Variants in MYH2 observed in about 807,000 individuals in gnomAD.
The protein encoded by MYH2 is myosin heavy chain 2.
MYH2 carries 139 observed loss-of-function variants against 228.1 expected under a neutral mutation model. That is an observed-to-expected ratio of 0.61 (90% CI 0.53 to 0.70). MYH2 has a LOEUF of 0.70. MYH2 is among the 30% of genes least tolerant of loss of function. The pLI, the probability that MYH2 is intolerant of heterozygous loss-of-function variation, is 0.00. For missense variants in MYH2, 1,809 were observed against 2,357.5 expected, an observed-to-expected ratio of 0.77 and a Z score of 4.82; for synonymous variants, 796 against 871.1, an observed-to-expected ratio of 0.91 and a Z score of 1.52.
chr17:10,546,917 T>TA (rs35076797), intron 4 of MYH2, among the ~76,000 whole-genome samples: 7,966 of 132,354 alleles, frequency 0.06, 237 homozygotes, highest in South Asian at 0.15. Context: ...CTGTCTCTGC[T>TA]AAAAAAAATA....
At chr17:10,548,249 T>C (rs868730374) in intron 2 of MYH2, among the ~76,000 whole-genome samples, 3 of 152,316 alleles carry the variant, frequency 2.0e-5, no homozygotes, top group African/African-American at 7.2e-5. Flanking sequence ...CTTGGGTATG[T>C]CACTTGATGT....
In MYH2 at chr17:10,539,983, G is replaced by A; in HGVS notation, c.1092C>T (p.Asn364=). 3 of 1,613,926 alleles carry A rather than the reference G, an allele frequency of 1.9e-6. No homozygotes were observed. The highest frequency in any genetic ancestry group is 2.5e-6 in the Non-Finnish European group (3 of 1,179,968). The change falls in exon 12 of 40, where the codon AAC becomes AAT. Residue 364 remains asparagine (N), a synonymous_variant. Transcript: ENST00000245503. ...CACGCTGCTTTTGCTTAAATTTTAGGTTCCCATAATGCATCACAGCCCCCG... is the reference window on the plus strand; with the variant it reads ...CACGCTGCTTTTGCTTAAATTTTAGATTCCCATAATGCATCACAGCCCCCG... ...KLTGAVMHYG[N]LKFKQKQREE...
intron 39 of MYH2, 23 bp from the exon 40 acceptor site, chr17:10,521,455 A>C: frequency 6.2e-7 from 1 of 1,612,898 alleles, no homozygotes. Flanking sequence ...ATGGAATTGT[A>C]AGGAACTCAT....
chr17:10,538,165 G>A (rs1347129900), intron 14 of MYH2, among the ~76,000 whole-genome samples: 1 of 151,986 alleles, frequency 6.6e-6, no homozygotes, highest in Non-Finnish European at 1.5e-5. Flanking sequence ...TTTCCAGAAG[G>A]TTTACAGTTT....
chr17:10,545,421 G>A lies in MYH2; in HGVS notation c.430C>T (p.Arg144Ter), dbSNP rs762784420. The A allele has an allele frequency of 1.9e-6, 3 of 1,614,114 alleles. No individual in the cohort carries two copies. Among genetic ancestry groups the A allele is most frequent in the Non-Finnish European group, 2.5e-6 (3 of 1,180,018 alleles). The change falls in exon 5 of 40, where the codon CGA (arginine) becomes TGA (stop). Residue 144 changes from arginine (R) to a stop codon, truncating the protein, a stop_gained. Transcript: ENST00000245503. LOFTEE classifies it high-confidence loss of function. ...VYKPEVVTAYRGKKRQEAPPH... is the reference protein window; with the variant it reads ...VYKPEVVTAY ...GGGGCCTCCTGGCGCTTTTTGCCTC[G>A]GTAGGCTGTCACCACCTCGGGCTTA...
At chr17:10,534,707 A>G (rs917888908) in intron 19 of MYH2, among the ~76,000 whole-genome samples, 3 of 152,236 alleles carry the variant, frequency 2.0e-5, no homozygotes, top group Non-Finnish European at 4.4e-5. Flanking sequence ...ACCTGAGGTC[A>G]GGAGTTTGAG....
At chr17:10,546,055 T>G (rs2073624830) in intron 4 of MYH2, among the ~76,000 whole-genome samples, 1 of 151,820 alleles carries the variant, frequency 6.6e-6, no homozygotes, top group Non-Finnish European at 1.5e-5. Flanking sequence ...TTTGCAGCAT[T>G]AAGATAATTC....
chr17:10,523,201 A>C lies in MYH2; in HGVS notation c.5578-16T>G. ...CTTCTTCCGTCTGAAAGATTATAAA[A>C]AGTCCAGGACCTTAATTACTAAAGC... On this transcript the variant is annotated splice_polypyrimidine_tract_variant and intron_variant, in intron 38 of 39. Transcript: ENST00000245503. 1.2e-6 allele frequency: 2 copies of C among 1,610,656 alleles called. No homozygotes were observed. Among genetic ancestry groups the C allele is most frequent in the Non-Finnish European group, 1.7e-6 (2 of 1,176,858 alleles).
chr17:10,529,635 G>C lies in MYH2; in HGVS notation c.3046C>G (p.Leu1016Val), dbSNP rs771807032. ...TTGACTTTGTCCTCCTCTGCCTGCA[G>C]GTCATCCAGGGTCTGCTGGTGGGCC... ...QEAHQQTLDD[L>V]QAEEDKVNTL... Residue 1016 changes from leucine (L) to valine (V), a missense_variant, in exon 24 of 40, where the codon CTG becomes GTG. Leu to Val is a conservative substitution (Grantham distance 32, BLOSUM62 1). Coordinates refer to ENST00000245503, the MANE Select transcript of MYH2 (RefSeq NM_017534.6). The C allele has an allele frequency of 6.2e-6, 10 of 1,614,058 alleles. 1 individual carries two copies. The Middle Eastern group carries it at 1.2e-3, about 186-fold the overall frequency.
chr17:10,528,584 T>A, intron 27 of MYH2, 106 bp downstream of exon 27: 1 of 1,531,394 alleles, frequency 6.5e-7, no homozygotes. Flanking sequence ...CTTCCCTGAA[T>A]TACTGCAGTT....
Position 10,527,027 on chromosome 17 carries a change from C to T in MYH2, c.3901G>A (p.Glu1301Lys). The change falls in exon 29 of 40, where the codon GAA becomes AAA. Residue 1301 changes from glutamate to lysine, a missense_variant. This residue lies in a region of MYH2 where 636 missense variants were observed against 729.9 expected (regional missense o/e 0.87). Coordinates refer to ENST00000245503, the MANE Select transcript of MYH2 (RefSeq NM_017534.6). Reference protein sequence around the residue: ...GEFSRQLDEKEALVSQLSRGK... With the variant: ...GEFSRQLDEKKALVSQLSRGK... ...CTTGATAACTGAGACACCAGAGCTT[C>T]CTTTTCATCAAGCTGGCGTGAAAAC... The T allele has an allele frequency of 6.2e-7, 1 of 1,614,134 alleles. No homozygotes were observed. The highest frequency in any genetic ancestry group is 8.5e-7 in the Non-Finnish European group (1 of 1,180,036).
intron 22 of MYH2, among the ~76,000 whole-genome samples, chr17:10,530,986 T>C (rs1402880882): frequency 1.3e-5 from 2 of 152,184 alleles, no homozygotes; most frequent in East Asian, 3.8e-4. Context: ...AGTCTGAAGT[T>C]GATGGAAGCA....
chr17:10,531,608 T>C lies in MYH2; in HGVS notation c.2697+25A>G, dbSNP rs3744565. ...CTAGCACCTGCATCCTGGTTAGTGATACCAAGGGTGATATTCCAACTCACA... is the reference window on the plus strand; with the variant it reads ...CTAGCACCTGCATCCTGGTTAGTGACACCAAGGGTGATATTCCAACTCACA... On this transcript the variant is annotated intron_variant, in intron 22 of 39. Transcript: ENST00000245503. 0.43 allele frequency: 691,381 copies of C among 1,613,758 alleles called. 155,812 individuals carry two copies. Among genetic ancestry groups the C allele is most frequent in the East Asian group, 0.83 (37,278 of 44,860 alleles).
rs778595531 is a variant in MYH2 at position 10,540,069 on chromosome 17, G to C, written c.1009-3C>G. ...AAGCCCAAAATATCAATAGCACTCTGTCAATATAACCAATAGGATAGCTGT... is the reference window on the plus strand; with the variant it reads ...AAGCCCAAAATATCAATAGCACTCTCTCAATATAACCAATAGGATAGCTGT... On this transcript the variant is annotated splice_region_variant and splice_polypyrimidine_tract_variant and intron_variant, in intron 11 of 39. Coordinates refer to ENST00000245503, the MANE Select transcript of MYH2 (RefSeq NM_017534.6). 2 of 1,613,954 alleles carry C rather than the reference G, an allele frequency of 1.2e-6. No homozygotes were observed. The highest frequency in any genetic ancestry group is 1.3e-5 in the African/African-American group (1 of 74,982).
intron 27 of MYH2, 71 bp from the exon 28 acceptor site, chr17:10,527,945 G>A: frequency 1.3e-6 from 2 of 1,540,866 alleles, no homozygotes; most frequent in Non-Finnish European, 8.9e-7. Flanking sequence ...TGCAGTTACT[G>A]TAACTTCTCC....
chr17:10,538,656 A>AC (rs1191529329), intron 14 of MYH2, among the ~76,000 whole-genome samples: 75 of 152,058 alleles, frequency 4.9e-4, no homozygotes, highest in Middle Eastern at 3.4e-3. Flanking sequence ...AAAAAAAAAA[A>AC]AAAATCACCA....
intron 21 of MYH2, among the ~76,000 whole-genome samples, 162 bp downstream of exon 21, chr17:10,533,123 G>T (rs942997757): frequency 1.3e-5 from 2 of 152,066 alleles, no homozygotes; most frequent in African/African-American, 4.8e-5. Context: ...AGATGGTGAT[G>T]GTTCCTTCCT....
rs763913836 is a variant in MYH2, at chr17:10,525,477, AG to A, written c.4510del (p.Leu1504Ter). On this transcript the variant is annotated frameshift_variant, in exon 32 of 40. Transcript: ENST00000245503. LOFTEE classifies it high-confidence loss of function. This position sits in a 1 kb window ranked among gnomAD's most constrained non-coding sequence, Gnocchi z 4.2. ...YEESLDQLET[L>X]KRENKNLQQE... ...CTGTAAGTTTTTGTTCTCTCGCTTCAGGGTTTCTAGCTGATCCAAAGATTCC... is the reference window on the plus strand; with the variant it reads ...CTGTAAGTTTTTGTTCTCTCGCTTCAGGTTTCTAGCTGATCCAAAGATTCC... 8 of 1,614,068 alleles carry A rather than the reference AG, an allele frequency of 5.0e-6. No individual in the cohort carries two copies. Among genetic ancestry groups the A allele is most frequent in the Non-Finnish European group, 6.8e-6 (8 of 1,180,050 alleles).
Position 10,543,389 on chromosome 17 carries a change from G to T in MYH2, c.742-228C>A, listed in dbSNP as rs190096381. ...AAGTAATGGATATGTTAATTAGCAT[G>T]TTAATCATTCCATAATATACACATA... On this transcript the variant is annotated intron_variant, in intron 8 of 39. Transcript: ENST00000245503. Among the ~76,000 whole-genome samples, 3 of 152,240 alleles carry T rather than the reference G, an allele frequency of 2.0e-5. No individual in the cohort carries two copies. In the East Asian group the frequency reaches 5.8e-4, roughly 29 times the overall value.
Sources: gnomAD v4.1 joint callset for allele counts (sites outside exome capture counted in the v4.1 genomes callset) on GRCh38, gnomAD v4.1.1 for gene constraint, gnomAD v4.1.1 regional missense constraint, Gnocchi (gnomAD v3.1) non-coding constraint, MANE v1.5 for transcripts, NCBI Gene and HGNC (gene_info 2026-07-23, HGNC 2026-07-21) for gene names.